The following CNTNAP2 variants were observed in gnomAD, a reference collection of about 807,000 sequenced individuals.
The protein encoded by CNTNAP2 is contactin-associated protein-like 2.
In CNTNAP2, 98 loss-of-function variants were observed where a neutral mutation model predicts 155.2. The observed-to-expected ratio is 0.63, with a 90% CI of 0.54 to 0.75. The LOEUF (loss-of-function observed/expected upper bound fraction) is 0.75. Among genes scored for constraint, CNTNAP2 ranks in the 30% least tolerant of loss-of-function variants. The pLI, the probability that CNTNAP2 is intolerant of heterozygous loss-of-function variation, is 0.00. For synonymous variants in CNTNAP2, 651 were observed against 631.2 expected (o/e 1.03, Z -0.47); for missense variants, 1,727 against 1,688.1 (o/e 1.02, Z -0.40).
chr7:147,201,216 A>G (rs1309210433), intron 8 of CNTNAP2, among the ~76,000 whole-genome samples: 1 of 152,210 alleles, frequency 6.6e-6, no homozygotes, highest in African/African-American at 2.4e-5. Context: ...TGAATAATGA[A>G]CACAATAATT....
At chr7:147,307,551 T>C (rs1209060270) in intron 9 of CNTNAP2, among the ~76,000 whole-genome samples, 1 of 151,988 alleles carries the variant, frequency 6.6e-6, no homozygotes, top group Non-Finnish European at 1.5e-5. Context: ...ACCACTGCAC[T>C]CCAGCCTGGG....
chr7:146,663,740 G>T (rs1800136497), intron 1 of CNTNAP2, among the ~76,000 whole-genome samples: 1 of 152,088 alleles, frequency 6.6e-6, no homozygotes, highest in Non-Finnish European at 1.5e-5. Flanking sequence ...ACTAGTTTTA[G>T]CAGCTTTTCT....
At chr7:147,071,983 A>G (rs1285195017) in intron 4 of CNTNAP2, among the ~76,000 whole-genome samples, 2 of 152,246 alleles carry the variant, frequency 1.3e-5, no homozygotes, top group East Asian at 3.9e-4. Context: ...GGAGACTGAC[A>G]TTACAGATCT....
intron 1 of CNTNAP2, among the ~76,000 whole-genome samples, chr7:146,740,136 C>T (rs888550081): frequency 6.6e-6 from 1 of 151,806 alleles, no homozygotes; most frequent in Admixed American, 6.6e-5. Flanking sequence ...TTTTTTCAGT[C>T]CTTGTCATTC....
At chr7:147,123,895 A>C (rs887615237) in intron 6 of CNTNAP2, among the ~76,000 whole-genome samples, 1 of 152,002 alleles carries the variant, frequency 6.6e-6, no homozygotes, top group Non-Finnish European at 1.5e-5. Context: ...TACAAAAATT[A>C]GCCAGGCATG....
intron 1 of CNTNAP2, among the ~76,000 whole-genome samples, chr7:146,509,332 G>A (rs1797432344): frequency 6.6e-6 from 1 of 152,178 alleles, no homozygotes; most frequent in Non-Finnish European, 1.5e-5. Context: ...GATGGAGGGA[G>A]GGATGAGTCA....
intron 13 of CNTNAP2, among the ~76,000 whole-genome samples, chr7:147,848,135 C>T (rs1798845170): frequency 7.3e-6 from 1 of 136,118 alleles, no homozygotes; most frequent in Non-Finnish European, 1.6e-5. Context: ...CCAGTTGGAG[C>T]TTCCCGGCTG....
intron 3 of CNTNAP2, among the ~76,000 whole-genome samples, chr7:147,027,010 A>AAAAAAAAAAAAAAAAAAAAAAAAAAAAAC (rs1798935507): frequency 6.9e-6 from 1 of 144,472 alleles, no homozygotes; most frequent in South Asian, 2.2e-4. Flanking sequence ...AACAGAAAAA[A>AAAAAAAAAAAAAAAAAAAAAAAAAAAAAC]AAAAAAACAA....
chr7:147,214,911 A>AG (rs2116579768), intron 8 of CNTNAP2, among the ~76,000 whole-genome samples: 1 of 152,280 alleles, frequency 6.6e-6, no homozygotes, highest in East Asian at 1.9e-4. Context: ...TCATGATAGA[A>AG]GGTGAGGGGG....
intron 17 of CNTNAP2, among the ~76,000 whole-genome samples, chr7:148,161,932 G>A (rs893836416): frequency 6.6e-6 from 1 of 152,092 alleles, no homozygotes; most frequent in African/African-American, 2.4e-5. Context: ...TTGCTTGGAT[G>A]GCTGACATAC....
intron 15 of CNTNAP2, among the ~76,000 whole-genome samples, chr7:148,087,903 A>G (rs1260113573): frequency 6.6e-6 from 1 of 152,154 alleles, no homozygotes; most frequent in Non-Finnish European, 1.5e-5. Flanking sequence ...AATTTTTTCC[A>G]AATAAGATTA....
At chr7:147,486,186 C>CAAA (rs4015951) in intron 11 of CNTNAP2, 145 bp downstream of exon 11, 6 of 562,274 alleles carry the variant, frequency 1.1e-5, no homozygotes, top group Non-Finnish European at 9.4e-6. Context: ...GTCATTTCTC[C>CAAA]AAAAAAAAAA....
At position 147,462,776 on chromosome 7, in the gene CNTNAP2, T is replaced by G. The variant is rs985915783; in HGVS notation, c.1671-23159T>G. Among the ~76,000 whole-genome samples, 50 of 152,164 alleles carry G rather than the reference T, an allele frequency of 3.3e-4. 1 individual carries two copies. Among genetic ancestry groups the G allele is most frequent in the Admixed American group, 2.0e-4 (3 of 15,270 alleles). ...TGTGTAATCAATGGGATTTTTTGTT[T>G]GTTTGTTTGTTGGTTTTTTTGAGAT... is the stretch of plus-strand genomic sequence containing the variant. On this transcript the variant is annotated intron_variant, in intron 10 of 23. Coordinates refer to ENST00000361727, the MANE Select transcript of CNTNAP2 (RefSeq NM_014141.6).
chr7:147,098,375 T>G (rs1800587812), intron 4 of CNTNAP2, among the ~76,000 whole-genome samples: 1 of 152,176 alleles, frequency 6.6e-6, no homozygotes, highest in Admixed American at 6.6e-5. Context: ...GAATGTGCTA[T>G]TCCCCTATCT....
chr7:147,714,345 G>T (rs568710643), intron 13 of CNTNAP2, among the ~76,000 whole-genome samples: 1 of 152,182 alleles, frequency 6.6e-6, no homozygotes, highest in African/African-American at 2.4e-5. Context: ...GGTTAGTGGG[G>T]CCATGAGGAA....
intron 3 of CNTNAP2, among the ~76,000 whole-genome samples, chr7:146,863,044 T>C (rs1795135358): frequency 6.6e-6 from 1 of 152,228 alleles, no homozygotes; most frequent in South Asian, 2.1e-4. Context: ...GTGATCTTAT[T>C]AATTTGGGAC....
chr7:146,877,949 C>T (rs1042205237), intron 3 of CNTNAP2, among the ~76,000 whole-genome samples: 2 of 152,016 alleles, frequency 1.3e-5, no homozygotes, highest in African/African-American at 2.4e-5. Flanking sequence ...TTAAGATAGT[C>T]CTAAGTCATT....
intron 1 of CNTNAP2, among the ~76,000 whole-genome samples, chr7:146,257,507 G>C (rs1799858163): frequency 2.0e-5 from 3 of 152,142 alleles, no homozygotes; most frequent in Non-Finnish European, 4.4e-5. Flanking sequence ...AGATGTAAAA[G>C]GATTATGTCT....
chr7:147,770,274 G>A (rs529831243), intron 13 of CNTNAP2, among the ~76,000 whole-genome samples: 5 of 152,010 alleles, frequency 3.3e-5, no homozygotes, highest in Non-Finnish European at 7.4e-5. Context: ...TAGTGTTGTT[G>A]TTTTTTTAAA....
Sources: gnomAD v4.1 joint callset for allele counts (sites outside exome capture counted in the v4.1 genomes callset) on GRCh38, gnomAD v4.1.1 for gene constraint, MANE v1.5 for transcripts, NCBI Gene and HGNC (gene_info 2026-07-23, HGNC 2026-07-21) for gene names.